Variants in DCLK1 observed in about 807,000 individuals in gnomAD.
DCLK1 encodes doublecortin like kinase 1.
Under a neutral mutation model 86.2 loss-of-function variants are expected in DCLK1, and 16 were observed. The ratio of observed to expected loss-of-function variants is 0.19; its 90% CI spans 0.13 to 0.28. DCLK1 has a LOEUF of 0.28. Among genes scored for constraint, DCLK1 ranks in the 10% least tolerant of loss-of-function variants. The pLI, the probability that DCLK1 is intolerant of heterozygous loss-of-function variation, is 1.00. For missense variants in DCLK1, 590 were observed against 940.2 expected, an observed-to-expected ratio of 0.63 and a Z score of 4.87; for synonymous variants, 369 against 370.5, an observed-to-expected ratio of 1.00 and a Z score of 0.05.
chr13:35,937,667 T>G (rs74609366), intron 4 of DCLK1, among the ~76,000 whole-genome samples: 3,642 of 152,196 alleles, frequency 0.024, 180 homozygotes, highest in East Asian at 0.21. Flanking sequence ...TGCCATCCAG[T>G]GCCAAGAAAG....
intron 3 of DCLK1, among the ~76,000 whole-genome samples, chr13:36,044,759 T>C (rs1313721257): frequency 6.6e-6 from 1 of 152,016 alleles, no homozygotes; most frequent in African/African-American, 2.4e-5. Context: ...TTGAGAAAGA[T>C]AACAAGTTTT....
intron 3 of DCLK1, among the ~76,000 whole-genome samples, chr13:35,957,194 C>G (rs1399155329): frequency 1.3e-5 from 2 of 152,010 alleles, no homozygotes; most frequent in Admixed American, 6.6e-5. Flanking sequence ...GTGTAAGGTG[C>G]TTTACAGGAA....
At chr13:36,059,591 TGACTCTG>T (rs1883462074) in intron 3 of DCLK1, among the ~76,000 whole-genome samples, 1 of 152,172 alleles carries the variant, frequency 6.6e-6, no homozygotes, top group South Asian at 2.1e-4. Flanking sequence ...TTGAGGGATT[TGACTCTG>T]GACCGTAGAG....
intron 6 of DCLK1, chr13:35,850,312 C>T (rs1870513463): frequency 5.1e-6 from 5 of 985,268 alleles, no homozygotes; most frequent in Non-Finnish European, 1.2e-6. Context: ...ATATGCTTTA[C>T]AGAAAGTACA....
chr13:35,879,791 C>T (rs985147492), intron 4 of DCLK1, among the ~76,000 whole-genome samples: 1 of 152,208 alleles, frequency 6.6e-6, no homozygotes, highest in Non-Finnish European at 1.5e-5. Context: ...GAATACTGAT[C>T]TTTCCTTTTT....
Position 35,966,872 on chromosome 13 carries a change from C to T in DCLK1, c.724-19415G>A, listed in dbSNP as rs1053767745. Among the ~76,000 whole-genome samples the T allele has an allele frequency of 2.2e-4, 34 of 152,138 alleles. 1 individual carries two copies. In the South Asian group the frequency reaches 3.9e-3, roughly 18 times the overall value. ...CTCGCTACCACCTCCACCTCCCAGCCGCCTGCCTTGGCCTCCCAAAGTGCC... is the reference window on the plus strand; with the variant it reads ...CTCGCTACCACCTCCACCTCCCAGCTGCCTGCCTTGGCCTCCCAAAGTGCC... On this transcript the variant is annotated intron_variant, in intron 3 of 16. Coordinates refer to ENST00000360631, the MANE Select transcript of DCLK1 (RefSeq NM_001330071.2).
chr13:36,121,396 T>C lies in DCLK1; in HGVS notation c.376+4366A>G, dbSNP rs573667220. The stretch of plus-strand genomic sequence containing the variant: ...AATCCAGAAAGAGACAATTCAGGAG[T>C]TTTAAACTGCATGCAGTTCTGAGTA... On this transcript the variant is annotated intron_variant, in intron 2 of 16. Transcript: ENST00000360631. 6.7e-4 allele frequency among the ~76,000 whole-genome samples: 102 copies of C among 152,146 alleles called. 1 individual carries two copies. The highest frequency in any genetic ancestry group is 3.3e-3 in the Admixed American group (50 of 15,286).
chr13:36,060,632 C>T (rs1030157038), intron 3 of DCLK1, among the ~76,000 whole-genome samples: 2 of 152,042 alleles, frequency 1.3e-5, no homozygotes, highest in Admixed American at 6.6e-5. Context: ...ATGCACTCTG[C>T]AAGTGCATAC....
chr13:36,097,487 T>C, intron 3 of DCLK1, among the ~76,000 whole-genome samples: 1 of 152,220 alleles, frequency 6.6e-6, no homozygotes, highest in East Asian at 1.9e-4. Context: ...GATGTGTTAG[T>C]TACATTAAAA....
intron 4 of DCLK1, among the ~76,000 whole-genome samples, chr13:35,912,349 T>C (rs1288618588): frequency 6.6e-6 from 1 of 152,160 alleles, no homozygotes; most frequent in Non-Finnish European, 1.5e-5. Flanking sequence ...ATTAGTTCTT[T>C]CTGAATAATG....
rs3751346 is a variant in DCLK1, at chr13:35,822,894, C to T, written c.1408-19G>A. The T allele has an allele frequency of 5.0e-6, 8 of 1,612,918 alleles. No individual in the cohort carries two copies. The South Asian group carries it at 8.8e-5, about 18-fold the overall frequency. Reference sequence around the variant, plus strand: ...CTCCCCCCTGAGAAGAGAACAGAAGCTGAAGCAGCACATTAACAGACGGGC... The same window carrying T: ...CTCCCCCCTGAGAAGAGAACAGAAGTTGAAGCAGCACATTAACAGACGGGC... On this transcript the variant is annotated intron_variant, in intron 10 of 16. Transcript: ENST00000360631.
In DCLK1 at chr13:36,126,161, G is replaced by A. The variant is rs776212605; in HGVS notation, c.-19-5C>T. On this transcript the variant is annotated splice_region_variant and splice_polypyrimidine_tract_variant and intron_variant, in intron 1 of 16. Transcript: ENST00000360631. ...ATGATGGACTTCAAGTAGGACCTAC[G>A]AGCCCCAGAAACAAAAGCAGACACA... 53 of 1,545,034 alleles carry A rather than the reference G, an allele frequency of 3.4e-5. No individual in the cohort carries two copies. The highest frequency in any genetic ancestry group is 1.7e-4 in the Middle Eastern group (1 of 5,742).
intron 3 of DCLK1, among the ~76,000 whole-genome samples, chr13:36,049,789 G>A (rs898784439): frequency 6.6e-6 from 1 of 152,030 alleles, no homozygotes; most frequent in Non-Finnish European, 1.5e-5. Context: ...TGGAAAGAGA[G>A]CAAAAGTAAC....
chr13:35,966,539 C>T (rs1013151586), intron 3 of DCLK1, among the ~76,000 whole-genome samples: 1 of 134,984 alleles, frequency 7.4e-6, no homozygotes, highest in Non-Finnish European at 1.6e-5. Flanking sequence ...TTTGCACGGT[C>T]TCCCTCTGAT....
intron 11 of DCLK1, among the ~76,000 whole-genome samples, chr13:35,813,428 T>C (rs2087193613): frequency 6.6e-6 from 1 of 152,190 alleles, no homozygotes; most frequent in African/African-American, 2.4e-5. Context: ...TTCTCCTATA[T>C]GTAGGAAAAG....
chr13:36,112,347 A>T (rs1435271107), intron 2 of DCLK1, 132 bp from the exon 3 acceptor site: 1 of 598,156 alleles, frequency 1.7e-6, no homozygotes, highest in Non-Finnish European at 2.7e-6. Flanking sequence ...TGGAAGTGTG[A>T]TTAATAATTA....
intron 4 of DCLK1, among the ~76,000 whole-genome samples, chr13:35,894,112 T>C (rs1274648803): frequency 2.0e-5 from 3 of 152,090 alleles, no homozygotes; most frequent in Non-Finnish European, 2.9e-5. Flanking sequence ...CTCATGTATA[T>C]GCAAATATTC....
chr13:35,842,574 A>G (rs964733280), intron 6 of DCLK1, among the ~76,000 whole-genome samples: 3 of 152,146 alleles, frequency 2.0e-5, no homozygotes, highest in African/African-American at 7.2e-5. Flanking sequence ...TGACTAGCAC[A>G]AAGCAGAGAA....
At chr13:35,976,651 C>T (rs1224265745) in intron 3 of DCLK1, among the ~76,000 whole-genome samples, 2 of 151,136 alleles carry the variant, frequency 1.3e-5, no homozygotes, top group Non-Finnish European at 3.0e-5. Context: ...CTGCCTCAGC[C>T]TCCCAAGTAG....
Sources: allele counts gnomAD v4.1 joint callset (sites outside exome capture counted in the v4.1 genomes callset), GRCh38; gene constraint gnomAD v4.1.1; transcripts MANE v1.5; gene names NCBI Gene and HGNC (gene_info 2026-07-23, HGNC 2026-07-21).